SDK2: variants seen among roughly 807,000 people sequenced by gnomAD.
The protein encoded by SDK2 is sidekick cell adhesion molecule 2, also known as protein sidekick-2.
Under a neutral mutation model 253.9 loss-of-function variants are expected in SDK2, and 105 were observed. That is an observed-to-expected ratio of 0.41 (90% CI 0.35 to 0.49). The LOEUF is 0.49. SDK2 is among the 20% of genes least tolerant of loss of function. The probability of loss-of-function intolerance (pLI) is 0.06; values close to 1 mark genes in which losing one functional copy is unlikely to be tolerated. For missense variants in SDK2, 2,608 were observed against 3,003.0 expected (o/e 0.87, Z 3.07); for synonymous variants, 1,249 against 1,234.9 (o/e 1.01, Z -0.24).
chr17:73,478,384 A>T (rs771608695), intron 2 of SDK2, among the ~76,000 whole-genome samples: 3 of 152,192 alleles, frequency 2.0e-5, no homozygotes, highest in Non-Finnish European at 4.4e-5. Flanking sequence ...CAAAAGCAGC[A>T]GGCGGTAGAG....
intron 2 of SDK2, among the ~76,000 whole-genome samples, chr17:73,491,508 G>T (rs1234385203): frequency 1.3e-5 from 2 of 152,102 alleles, no homozygotes; most frequent in East Asian, 3.9e-4. Context: ...AAGGAACTGG[G>T]ACTACAGGCG....
At chr17:73,353,733 T>A (rs2062560062) in intron 40 of SDK2, among the ~76,000 whole-genome samples, 1 of 124,958 alleles carries the variant, frequency 8.0e-6, no homozygotes, top group Non-Finnish European at 1.6e-5. Context: ...AGATGGAGTC[T>A]CACTCTGTCA....
At position 73,339,232 on chromosome 17, in the gene SDK2, TTTG is replaced by T. The variant is rs747107900; in HGVS notation, c.6166-295_6166-293del. ...ACCTGAGTTTTTTTTTGTTTTTGTTTTTGTTTTTTTTTTTTGAGACAGAATCTC... is the reference window on the plus strand; with the variant it reads ...ACCTGAGTTTTTTTTTGTTTTTGTTTTTTTTTTTTTTTGAGACAGAATCTC... On this transcript the variant is annotated intron_variant, in intron 44 of 44. Transcript: ENST00000392650. Among the ~76,000 whole-genome samples, 841 of 141,478 alleles carry T rather than the reference TTTG, an allele frequency of 5.9e-3. 20 individuals carry two copies. The highest frequency in any genetic ancestry group is 9.5e-3 in the Non-Finnish European group (597 of 62,796). 92.8% of individuals were successfully genotyped at this position (141,478 alleles called of 152,430 possible). A position where few individuals can be genotyped will look rare whatever the true frequency, so the allele number is the denominator to read the frequency against.
intron 3 of SDK2, among the ~76,000 whole-genome samples, chr17:73,456,814 G>A (rs777652689): frequency 2.6e-4 from 39 of 152,342 alleles, no homozygotes; most frequent in African/African-American, 3.8e-4. Context: ...CTGCCGGGGC[G>A]GGACAAGGGG....
chr17:73,400,508 T>A (rs2063013338), intron 21 of SDK2, among the ~76,000 whole-genome samples: 1 of 152,058 alleles, frequency 6.6e-6, no homozygotes, highest in Non-Finnish European at 1.5e-5. Context: ...TGTGGGAGGA[T>A]GCAGCAGGGA....
chr17:73,342,210 C>T (rs1427756654), intron 44 of SDK2, among the ~76,000 whole-genome samples: 3 of 152,046 alleles, frequency 2.0e-5, no homozygotes, highest in African/African-American at 7.2e-5. Flanking sequence ...CTCCTTACCA[C>T]CCCTGCAGCA....
At chr17:73,574,981 C>T (rs1191803351) in intron 1 of SDK2, among the ~76,000 whole-genome samples, 1 of 152,208 alleles carries the variant, frequency 6.6e-6, no homozygotes, top group Non-Finnish European at 1.5e-5. Context: ...GTCCTCTCTG[C>T]TCAAGGTTTC....
In SDK2 at chr17:73,414,762, A is replaced by G. The variant is rs745543684; in HGVS notation, c.2369-3T>C. The G allele has an allele frequency of 6.3e-7, 1 of 1,598,370 alleles. No individual in the cohort carries two copies. The highest frequency in any genetic ancestry group is 1.7e-5 in the Admixed American group (1 of 59,976). ...ATTGCCCGGAGGGACCGTGGGAACTAGAGGAGATGAGAGAACGGGGTGGGG... is the reference window on the plus strand; with the variant it reads ...ATTGCCCGGAGGGACCGTGGGAACTGGAGGAGATGAGAGAACGGGGTGGGG... On this transcript the variant is annotated splice_region_variant and splice_polypyrimidine_tract_variant and intron_variant, in intron 17 of 44. Coordinates refer to ENST00000392650, the MANE Select transcript of SDK2 (RefSeq NM_001144952.2).
At chr17:73,577,649 A>G (rs1398469072) in intron 1 of SDK2, among the ~76,000 whole-genome samples, 3 of 152,152 alleles carry the variant, frequency 2.0e-5, no homozygotes, top group Non-Finnish European at 4.4e-5. Context: ...GGAGGAGACC[A>G]TCTCTACCTG....
chr17:73,566,848 C>G (rs781276569), intron 1 of SDK2, among the ~76,000 whole-genome samples: 1 of 147,210 alleles, frequency 6.8e-6, no homozygotes, highest in African/African-American at 2.5e-5. Context: ...AACAAAAAAA[C>G]GACTTAAATT....
Position 73,480,270 on chromosome 17 carries a change from T to C in SDK2, c.225-8052A>G, listed in dbSNP as rs2063712911. 2.0e-5 allele frequency among the ~76,000 whole-genome samples: 3 copies of C among 152,196 alleles called. No individual in the cohort carries two copies. The South Asian group carries it at 6.2e-4, about 32-fold the overall frequency. On this transcript the variant is annotated intron_variant, in intron 2 of 44. Coordinates refer to ENST00000392650, the MANE Select transcript of SDK2 (RefSeq NM_001144952.2). ...CCTAACGGGATATGTATCCGATGGCTTGGGGTCTCTCATTCCTAGGGTAAG... is the reference window on the plus strand; with the variant it reads ...CCTAACGGGATATGTATCCGATGGCCTGGGGTCTCTCATTCCTAGGGTAAG...
At chr17:73,488,258 C>T (rs1341654836) in intron 2 of SDK2, among the ~76,000 whole-genome samples, 1 of 152,172 alleles carries the variant, frequency 6.6e-6, no homozygotes, top group Admixed American at 6.5e-5. Context: ...CCTTGTGATT[C>T]GCCTGCCCCA....
At chr17:73,553,334 C>G (rs1382842688) in intron 1 of SDK2, among the ~76,000 whole-genome samples, 1 of 152,200 alleles carries the variant, frequency 6.6e-6, no homozygotes, top group South Asian at 2.1e-4. Context: ...CCAGGACTTA[C>G]TGCCTATTTA....
Position 73,383,970 on chromosome 17 carries a change from G to A in SDK2, c.4611C>T (p.Phe1537=). 6.2e-7 allele frequency: 1 copy of A among 1,613,898 alleles called. No individual in the cohort carries two copies. Among genetic ancestry groups the A allele is most frequent in the Non-Finnish European group, 8.5e-7 (1 of 1,179,876 alleles). The change falls in exon 33 of 45, where the codon TTC becomes TTT. Residue 1537 remains phenylalanine (F), a synonymous_variant. Coordinates refer to ENST00000392650, the MANE Select transcript of SDK2 (RefSeq NM_001144952.2). This position sits in a 1 kb window ranked among gnomAD's most constrained non-coding sequence, Gnocchi z 4.3. ...EDKINGILLG[F]RIRYRELLYE... Reference sequence around the variant, plus strand: ...AGAGCAGCTCCCGGTATCGGATCCGGAAGCCCAGGAGGATGCCATTGATCT... The same window carrying A: ...AGAGCAGCTCCCGGTATCGGATCCGAAAGCCCAGGAGGATGCCATTGATCT...
At chr17:73,432,976 T>C (rs2039488791) in intron 10 of SDK2, among the ~76,000 whole-genome samples, 1 of 152,056 alleles carries the variant, frequency 6.6e-6, no homozygotes, top group African/African-American at 2.4e-5. Context: ...GCTTGGGCTT[T>C]GCTGGTTCCG....
At chr17:73,640,147 T>C (rs2046379869) in intron 1 of SDK2, among the ~76,000 whole-genome samples, 1 of 152,196 alleles carries the variant, frequency 6.6e-6, no homozygotes, top group East Asian at 1.9e-4. Context: ...CCCAGCCTCC[T>C]TTCCCTTGTA....
Position 73,342,264 on chromosome 17 carries a change from C to T in SDK2, c.6166-3324G>A, listed in dbSNP as rs994011067. On this transcript the variant is annotated intron_variant, in intron 44 of 44. Transcript: ENST00000392650. ...CCTCAATCCTCTTGGCAGGCACAGC[C>T]GGCTGCCCAAGACAATGGAAAGTCC... Among the ~76,000 whole-genome samples the T allele has an allele frequency of 5.3e-5, 8 of 152,272 alleles. No individual in the cohort carries two copies. In the East Asian group the frequency reaches 1.2e-3, roughly 22 times the overall value.
chr17:73,448,043 G>A (rs766115390), intron 4 of SDK2, among the ~76,000 whole-genome samples: 1 of 152,110 alleles, frequency 6.6e-6, no homozygotes, highest in East Asian at 1.9e-4. Flanking sequence ...CCCAAGACTG[G>A]GCAAGGGGCT....
At chr17:73,493,984 TCTC>T (rs2145733501) in intron 2 of SDK2, among the ~76,000 whole-genome samples, 1 of 152,274 alleles carries the variant, frequency 6.6e-6, no homozygotes, top group African/African-American at 2.4e-5. Context: ...TCTGCAAACA[TCTC>T]ATCAGAAGAG....
Sources: allele counts gnomAD v4.1 joint callset (sites outside exome capture counted in the v4.1 genomes callset), GRCh38; gene constraint gnomAD v4.1.1; non-coding constraint Gnocchi (gnomAD v3.1); transcripts MANE v1.5; gene names NCBI Gene and HGNC (gene_info 2026-07-23, HGNC 2026-07-21).